ITFG1: variants seen among roughly 807,000 people sequenced by gnomAD.
ITFG1 encodes the protein T-cell immunomodulatory protein.
Under a neutral mutation model 81.8 loss-of-function variants are expected in ITFG1, and 34 were observed. The ratio of observed to expected loss-of-function variants is 0.42; its 90% CI spans 0.32 to 0.55. The LOEUF (loss-of-function observed/expected upper bound fraction) is 0.55. ITFG1 is among the 20% of genes least tolerant of loss of function. The pLI is 0.17. For synonymous variants in ITFG1, 285 were observed against 270.6 expected, an observed-to-expected ratio of 1.05 and a Z score of -0.52; for missense variants, 672 against 755.4, an observed-to-expected ratio of 0.89 and a Z score of 1.29.
chr16:47,258,865 TTAAAA>T, intron 11 of ITFG1, 125 bp from the exon 12 acceptor site: 1 of 490,458 alleles, frequency 2.0e-6, no homozygotes, highest in Non-Finnish European at 3.5e-6. Context: ...ATCCTCATGT[TTAAAA>T]TAAAATCGCT....
At chr16:47,193,754 A>G (rs1965321077) in intron 14 of ITFG1, among the ~76,000 whole-genome samples, 1 of 152,200 alleles carries the variant, frequency 6.6e-6, no homozygotes, top group Non-Finnish European at 1.5e-5. Context: ...CTTCTCAATT[A>G]CTACTTTTGG....
chr16:47,394,922 T>C (rs1489434784), intron 6 of ITFG1, among the ~76,000 whole-genome samples: 1 of 152,138 alleles, frequency 6.6e-6, no homozygotes, highest in East Asian at 1.9e-4. Flanking sequence ...TCTGTTGGTA[T>C]TGGGAGATAG....
chr16:47,362,730 CTTA>C (rs1044635312), intron 8 of ITFG1, among the ~76,000 whole-genome samples: 1 of 152,192 alleles, frequency 6.6e-6, no homozygotes, highest in Non-Finnish European at 1.5e-5. Context: ...TTCCACAAGA[CTTA>C]TTAGCACTTT....
intron 5 of ITFG1, among the ~76,000 whole-genome samples, chr16:47,438,066 C>A (rs1164250181): frequency 6.6e-6 from 1 of 152,212 alleles, no homozygotes; most frequent in Non-Finnish European, 1.5e-5. Flanking sequence ...GTCCTATGCC[C>A]ACAAAGCCTC....
intron 13 of ITFG1, among the ~76,000 whole-genome samples, 172 bp downstream of exon 13, chr16:47,237,793 T>A (rs1439142339): frequency 6.6e-6 from 1 of 152,142 alleles, no homozygotes; most frequent in Non-Finnish European, 1.5e-5. Context: ...GGTAAGACAT[T>A]TTTTTAGGAA....
chr16:47,208,547 T>C (rs576190657), intron 14 of ITFG1, among the ~76,000 whole-genome samples: 1 of 152,340 alleles, frequency 6.6e-6, no homozygotes, highest in African/African-American at 2.4e-5. Context: ...TTAACATTGA[T>C]GGGCACCAGT....
intron 6 of ITFG1, among the ~76,000 whole-genome samples, chr16:47,415,652 C>T (rs1968864234): frequency 6.6e-6 from 1 of 152,060 alleles, no homozygotes; most frequent in African/African-American, 2.4e-5. Flanking sequence ...ATATCAAAAT[C>T]ATAATGAAAT....
rs1401345241 is a variant in ITFG1 at position 47,452,801 on chromosome 16, G to C, written c.428-11C>G. On this transcript the variant is annotated splice_polypyrimidine_tract_variant and intron_variant, in intron 3 of 17. Transcript: ENST00000320640. ...TCATATTGTTAGGATCTGCAAAAAA[G>C]ATATATATATATATGAATTAGCAGG... 7.4e-7 allele frequency: 1 copy of C among 1,344,798 alleles called. No homozygotes were observed. The highest frequency in any genetic ancestry group is 1.5e-5 in the African/African-American group (1 of 66,906). 83.3% of individuals were successfully genotyped at this position (1,344,798 alleles called of 1,614,324 possible). A position where few individuals can be genotyped will look rare whatever the true frequency, so the allele number is the denominator to read the frequency against.
intron 10 of ITFG1, among the ~76,000 whole-genome samples, chr16:47,269,867 C>T (rs1298824127): frequency 6.6e-6 from 1 of 152,100 alleles, no homozygotes; most frequent in Non-Finnish European, 1.5e-5. Flanking sequence ...CATATACTAT[C>T]TGAATTGACT....
chr16:47,451,520 C>T (rs760250511), intron 4 of ITFG1, 50 bp from the exon 5 acceptor site: 2 of 987,656 alleles, frequency 2.0e-6, no homozygotes, highest in African/African-American at 1.6e-5. Flanking sequence ...ATTCTTACTT[C>T]TAATTTAGCT....
At chr16:47,235,459 C>A (rs972142211) in intron 13 of ITFG1, among the ~76,000 whole-genome samples, 1 of 152,092 alleles carries the variant, frequency 6.6e-6, no homozygotes, top group African/African-American at 2.4e-5. Flanking sequence ...AAAAGTGAAA[C>A]CATTCTGGTA....
At chr16:47,176,179 G>C (rs1251766422) in intron 14 of ITFG1, among the ~76,000 whole-genome samples, 1 of 152,186 alleles carries the variant, frequency 6.6e-6, no homozygotes, top group Non-Finnish European at 1.5e-5. Flanking sequence ...CTACTAAGCT[G>C]AAGTTCTCTG....
chr16:47,234,037 G>C lies in ITFG1; in HGVS notation c.1374+3928C>G, dbSNP rs1422694172. ...TCAGATCAACCTTAAAACTTCCACA[G>C]TAAAGGTCTACCTTAGTTCCCTTTG... On this transcript the variant is annotated intron_variant, in intron 13 of 17. Coordinates refer to ENST00000320640, the MANE Select transcript of ITFG1 (RefSeq NM_030790.5). Among the ~76,000 whole-genome samples the C allele has an allele frequency of 3.9e-5, 6 of 152,162 alleles. No individual in the cohort carries two copies. The East Asian group carries it at 1.2e-3, about 29-fold the overall frequency.
At chr16:47,188,550 G>A (rs1965253658) in intron 14 of ITFG1, among the ~76,000 whole-genome samples, 1 of 144,898 alleles carries the variant, frequency 6.9e-6, no homozygotes, top group Non-Finnish European at 1.5e-5. Flanking sequence ...ACTCATAGGT[G>A]GGAATTGAAC....
chr16:47,381,493 A>T (rs956933525), intron 6 of ITFG1, among the ~76,000 whole-genome samples: 8 of 152,170 alleles, frequency 5.3e-5, no homozygotes, highest in African/African-American at 1.9e-4. Flanking sequence ...AGTTAATAAA[A>T]CATTCGTAGT....
rs59030134 is a variant in ITFG1, at chr16:47,433,770, A to AATATATATATAT, written c.561-4884_561-4873dup. 4.6e-3 allele frequency among the ~76,000 whole-genome samples: 576 copies of AATATATATATAT among 124,450 alleles called. 8 individuals are homozygous for AATATATATATAT. Among genetic ancestry groups the AATATATATATAT allele is most frequent in the Middle Eastern group, 0.016 (4 of 250 alleles). 81.6% of individuals were successfully genotyped at this position (124,450 alleles called of 152,430 possible). A position where few individuals can be genotyped will look rare whatever the true frequency, so the allele number is the denominator to read the frequency against. ...TGCATTTTAAGATGAATAAAAACTG[A>AATATATATATAT]ATATATATATATATATATATATACA... On this transcript the variant is annotated intron_variant, in intron 5 of 17. Transcript: ENST00000320640.
chr16:47,278,381 T>C (rs2151549074), intron 10 of ITFG1, among the ~76,000 whole-genome samples: 1 of 152,276 alleles, frequency 6.6e-6, no homozygotes, highest in South Asian at 2.1e-4. Flanking sequence ...CATTTACAAA[T>C]GGAGTTTCTT....
At chr16:47,350,720 C>T (rs1244887907) in intron 8 of ITFG1, among the ~76,000 whole-genome samples, 9 of 152,056 alleles carry the variant, frequency 5.9e-5, no homozygotes, top group South Asian at 4.2e-4. Context: ...TTTATGAGGC[C>T]AGCATCATCC....
intron 10 of ITFG1, among the ~76,000 whole-genome samples, chr16:47,288,347 A>T (rs745738487): frequency 4.4e-4 from 67 of 152,308 alleles, no homozygotes; most frequent in Non-Finnish European, 8.5e-4. Context: ...TCATCTCTTG[A>T]TGAATAGTTA....
Sources: gnomAD v4.1 joint callset for allele counts (sites outside exome capture counted in the v4.1 genomes callset) on GRCh38, gnomAD v4.1.1 for gene constraint, MANE v1.5 for transcripts, NCBI Gene and HGNC (gene_info 2026-07-23, HGNC 2026-07-21) for gene names.